Variants in GPHN observed in about 807,000 individuals in gnomAD.
GPHN encodes gephyrin.
GPHN carries 17 observed loss-of-function variants against 95.5 expected under a neutral mutation model. That is an observed-to-expected ratio of 0.18 (90% confidence interval 0.12 to 0.27). The LOEUF is 0.27. Ranked by LOEUF, GPHN falls within the 10% of genes least tolerant of loss-of-function variation. The pLI, the probability that GPHN is intolerant of heterozygous loss-of-function variation, is 1.00. For synonymous variants in GPHN, 320 were observed against 322.5 expected, an observed-to-expected ratio of 0.99 and a Z score of 0.08; for missense variants, 660 against 978.1, an observed-to-expected ratio of 0.67 and a Z score of 4.34.
At chr14:67,438,932 G>A in the GPHN span, among the ~76,000 whole-genome samples, 30 of 151,130 alleles carry the variant, frequency 2.0e-4, no homozygotes, top group African/African-American at 6.3e-4. Flanking sequence ...CAAGATACAC[G>A]GCAGCTAGTG....
chr14:67,600,396 T>C, the GPHN span: 3 of 539,036 alleles, frequency 5.6e-6, no homozygotes, highest in South Asian at 2.5e-5. Flanking sequence ...CGGCCTTGAC[T>C]GTCTTCGAAA....
At chr14:67,025,441 C>T (rs1318571403) in intron 10 of GPHN, among the ~76,000 whole-genome samples, 1 of 152,128 alleles carries the variant, frequency 6.6e-6, no homozygotes, top group Non-Finnish European at 1.5e-5. Flanking sequence ...TGAGAACCTT[C>T]CTTGTTCTCT....
rs751345151 is a variant in GPHN at position 66,597,622 on chromosome 14, A to G, written c.65-83485A>G. On this transcript the variant is annotated intron_variant, in intron 1 of 22. Coordinates refer to ENST00000478722, the MANE Select transcript of GPHN (RefSeq NM_020806.5). The stretch of plus-strand genomic sequence containing the variant: ...TTCCTAGGCCCTTGAGAGTGCAGAA[A>G]TGCCTGGGTCTGCAGCTGTGGCTGG... Among the ~76,000 whole-genome samples, 55 of 152,130 alleles carry G rather than the reference A, an allele frequency of 3.6e-4. 2 individuals are homozygous for G. The highest frequency in any genetic ancestry group is 2.0e-4 in the Admixed American group (3 of 15,276).
chr14:67,674,279 G>A, the GPHN span: 2 of 1,165,850 alleles, frequency 1.7e-6, no homozygotes, highest in Non-Finnish European at 2.3e-6. Flanking sequence ...GCGGAGGGAG[G>A]AGACGCGGGC....
intron 2 of GPHN, among the ~76,000 whole-genome samples, chr14:66,774,734 T>C (rs1230634245): frequency 6.6e-6 from 1 of 152,228 alleles, no homozygotes; most frequent in East Asian, 1.9e-4. Flanking sequence ...TCCATAATTA[T>C]ATTATTGTTC....
intron 21 of GPHN, among the ~76,000 whole-genome samples, chr14:67,173,436 C>A (rs951307922): frequency 1.3e-5 from 2 of 152,168 alleles, no homozygotes; most frequent in Admixed American, 1.3e-4. Flanking sequence ...GTAACTGAGG[C>A]ACCCACAGTT....
chr14:67,549,244 C>A, the GPHN span, among the ~76,000 whole-genome samples: 1 of 148,526 alleles, frequency 6.7e-6, no homozygotes, highest in Non-Finnish European at 1.5e-5. Flanking sequence ...GGTGTGTGTG[C>A]GTGTGTGTGT....
chr14:67,386,523 G>A, the GPHN span: 11 of 152,210 alleles, frequency 7.2e-5, no homozygotes, highest in Admixed American at 1.3e-4. Context: ...AGTATTGTAT[G>A]ATACAGACTT....
the GPHN span, among the ~76,000 whole-genome samples, chr14:67,359,344 T>C: frequency 6.6e-6 from 1 of 152,298 alleles, no homozygotes; most frequent in African/African-American, 2.4e-5. Context: ...GTTATATAAA[T>C]CCAGTGCCCG....
At chr14:66,596,069 T>G (rs926871898) in intron 1 of GPHN, among the ~76,000 whole-genome samples, 1 of 151,992 alleles carries the variant, frequency 6.6e-6, no homozygotes, top group African/African-American at 2.4e-5. Flanking sequence ...AGTGGGTAGC[T>G]TCTCTCCACA....
chr14:67,700,010 C>A, the GPHN span, among the ~76,000 whole-genome samples: 2 of 151,788 alleles, frequency 1.3e-5, no homozygotes, highest in East Asian at 3.9e-4. Context: ...CGTGGTGGTG[C>A]GCACCTGTAG....
intron 10 of GPHN, among the ~76,000 whole-genome samples, chr14:67,030,969 A>T (rs768404885): frequency 6.6e-6 from 1 of 151,490 alleles, no homozygotes; most frequent in Non-Finnish European, 1.5e-5. Context: ...ATTAGCAAAA[A>T]CTCTAATATA....
At chr14:67,376,786 A>G in the GPHN span, among the ~76,000 whole-genome samples, 1 of 152,236 alleles carries the variant, frequency 6.6e-6, no homozygotes, top group East Asian at 1.9e-4. Context: ...TTCATAAACC[A>G]TATGGTTTAT....
the GPHN span, among the ~76,000 whole-genome samples, chr14:67,362,732 G>A: frequency 6.6e-6 from 1 of 152,062 alleles, no homozygotes; most frequent in East Asian, 1.9e-4. Context: ...CGATATTGCG[G>A]AATGATTTTT....
intron 1 of GPHN, among the ~76,000 whole-genome samples, chr14:66,516,173 A>G (rs1470178438): frequency 7.2e-6 from 1 of 138,940 alleles, no homozygotes; most frequent in Admixed American, 7.2e-5. Flanking sequence ...TGCCTGGCTA[A>G]TTTTTTTTTT....
intron 11 of GPHN, among the ~76,000 whole-genome samples, chr14:67,080,754 C>T (rs2076662676): frequency 6.6e-6 from 1 of 152,126 alleles, no homozygotes; most frequent in South Asian, 2.1e-4. Flanking sequence ...TTATCCCTCA[C>T]CTGCCTCCGA....
At chr14:66,907,363 TAGTAAA>T (rs2065436858) in intron 5 of GPHN, among the ~76,000 whole-genome samples, 1 of 152,128 alleles carries the variant, frequency 6.6e-6, no homozygotes, top group African/African-American at 2.4e-5. Flanking sequence ...TATGACATTG[TAGTAAA>T]AGTAAAATTA....
At chr14:67,123,600 TG>T (rs1397053843) in intron 17 of GPHN, among the ~76,000 whole-genome samples, 1 of 151,946 alleles carries the variant, frequency 6.6e-6, no homozygotes, top group Non-Finnish European at 1.5e-5. Flanking sequence ...CATTTGAGCC[TG>T]GGGGGCGGAG....
chr14:66,816,077 T>C (rs1263933267), intron 3 of GPHN, among the ~76,000 whole-genome samples: 1 of 152,128 alleles, frequency 6.6e-6, no homozygotes, highest in Admixed American at 6.5e-5. Context: ...CATTAGGTAA[T>C]GGTAAAAGGT....
Sources: allele counts gnomAD v4.1 joint callset (sites outside exome capture counted in the v4.1 genomes callset), GRCh38; gene constraint gnomAD v4.1.1; transcripts MANE v1.5; gene names NCBI Gene and HGNC (gene_info 2026-07-23, HGNC 2026-07-21).